The following PGCKA1 variants were observed in gnomAD, a reference collection of about 807,000 sequenced individuals.
PGCKA1 encodes the protein PDCD10 and GCKIII kinases-associated protein 1.
the PGCKA1 span, among the ~76,000 whole-genome samples, chr4:37,506,588 T>C: frequency 6.9e-5 from 10 of 144,708 alleles, no homozygotes; most frequent in Non-Finnish European, 1.5e-4. Flanking sequence ...TTTCCAAAAT[T>C]ACTTTTTTTT....
At chr4:37,491,537 A>G in the PGCKA1 span, among the ~76,000 whole-genome samples, 1 of 152,168 alleles carries the variant, frequency 6.6e-6, no homozygotes, top group Middle Eastern at 3.4e-3. Context: ...ATATTTGCCA[A>G]TTGTTAATAT....
chr4:37,521,024 TATTG>T, the PGCKA1 span, among the ~76,000 whole-genome samples: 1 of 152,218 alleles, frequency 6.6e-6, no homozygotes, highest in Admixed American at 6.5e-5. Context: ...CTTTTTGTTT[TATTG>T]ATATTTTGTA....
chr4:37,456,387 G>A, the PGCKA1 span, among the ~76,000 whole-genome samples: 179 of 152,296 alleles, frequency 1.2e-3, 1 homozygote, highest in Middle Eastern at 6.8e-3. Flanking sequence ...CTTCAGGACT[G>A]TAGATTATCA....
chr4:37,460,585 T>A, the PGCKA1 span: 2 of 453,768 alleles, frequency 4.4e-6, no homozygotes. Context: ...TGTCTAATGA[T>A]CAGTGATGAG....
the PGCKA1 span, among the ~76,000 whole-genome samples, chr4:37,552,711 G>A: frequency 6.6e-6 from 1 of 152,000 alleles, no homozygotes; most frequent in South Asian, 2.1e-4. Flanking sequence ...AAATTGAAAG[G>A]GTAAACTCTT....
At chr4:37,474,936 T>C in the PGCKA1 span, among the ~76,000 whole-genome samples, 1 of 152,178 alleles carries the variant, frequency 6.6e-6, no homozygotes. Context: ...AGGGTGTTTA[T>C]AAAAAATTAG....
At chr4:37,502,312 T>C in the PGCKA1 span, among the ~76,000 whole-genome samples, 1 of 152,220 alleles carries the variant, frequency 6.6e-6, no homozygotes, top group Admixed American at 6.5e-5. Flanking sequence ...TTCACAGCAG[T>C]GGCAGAGGCA....
the PGCKA1 span, among the ~76,000 whole-genome samples, chr4:37,518,801 T>C: frequency 0.082 from 12,475 of 152,280 alleles, 655 homozygotes; most frequent in Middle Eastern, 0.14. Flanking sequence ...CATTTTTGTG[T>C]TGGTTGCCTG....
chr4:37,560,720 C>T, the PGCKA1 span, among the ~76,000 whole-genome samples: 1 of 152,082 alleles, frequency 6.6e-6, no homozygotes, highest in Non-Finnish European at 1.5e-5. Context: ...CTTAAAATCA[C>T]CCTTGCCTCT....
the PGCKA1 span, among the ~76,000 whole-genome samples, chr4:37,586,324 T>G: frequency 6.6e-6 from 1 of 152,200 alleles, no homozygotes. Context: ...GTGCTCTCGT[T>G]TTTAATCCAT....
At chr4:37,524,766 G>A in the PGCKA1 span, among the ~76,000 whole-genome samples, 1 of 152,146 alleles carries the variant, frequency 6.6e-6, no homozygotes, top group Non-Finnish European at 1.5e-5. Flanking sequence ...TTAAAATGAA[G>A]TGTAGGTTAA....
chr4:37,467,854 T>C, the PGCKA1 span, among the ~76,000 whole-genome samples: 2 of 152,200 alleles, frequency 1.3e-5, no homozygotes, highest in Admixed American at 6.5e-5. Context: ...AGTACAACAA[T>C]TGACAGGCTT....
the PGCKA1 span, among the ~76,000 whole-genome samples, chr4:37,503,158 G>T: frequency 6.6e-6 from 1 of 152,100 alleles, no homozygotes. Context: ...ATGGCCAAGG[G>T]GTCTCCTCCT....
the PGCKA1 span, among the ~76,000 whole-genome samples, chr4:37,458,480 C>T: frequency 6.6e-5 from 10 of 152,108 alleles, no homozygotes; most frequent in African/African-American, 1.4e-4. Flanking sequence ...GGGCAAATTA[C>T]GTTCTTTTCC....
At chr4:37,576,560 A>G in the PGCKA1 span, among the ~76,000 whole-genome samples, 1 of 152,084 alleles carries the variant, frequency 6.6e-6, no homozygotes, top group African/African-American at 2.4e-5. Flanking sequence ...TCCAATTTGC[A>G]TGCCCCTTAT....
At chr4:37,560,270 T>C in the PGCKA1 span, among the ~76,000 whole-genome samples, 1 of 152,202 alleles carries the variant, frequency 6.6e-6, no homozygotes, top group Non-Finnish European at 1.5e-5. Flanking sequence ...CCTGCAGGAC[T>C]CTTTCTTCTT....
chr4:37,561,354 CA>C, the PGCKA1 span, among the ~76,000 whole-genome samples: 6 of 152,002 alleles, frequency 3.9e-5, no homozygotes, highest in Non-Finnish European at 8.8e-5. Flanking sequence ...GGAAAGACGT[CA>C]AAAAATGAAT....
the PGCKA1 span, among the ~76,000 whole-genome samples, chr4:37,456,962 G>A: frequency 1.4e-4 from 21 of 152,274 alleles, no homozygotes; most frequent in East Asian, 3.9e-4. Flanking sequence ...AATCTCTGAC[G>A]TCAATTTACA....
At chr4:37,486,491 A>G in the PGCKA1 span, among the ~76,000 whole-genome samples, 1 of 152,156 alleles carries the variant, frequency 6.6e-6, no homozygotes, top group East Asian at 1.9e-4. Context: ...CAAACAAGAA[A>G]CAGCCCAACC....
Sources: gnomAD v4.1 joint callset for allele counts (sites outside exome capture counted in the v4.1 genomes callset) on GRCh38, gnomAD v4.1.1 for gene constraint, MANE v1.5 for transcripts, NCBI Gene and HGNC (gene_info 2026-07-23, HGNC 2026-07-21) for gene names.